The following ZDHHC3 variants were observed in gnomAD, a reference collection of about 807,000 sequenced individuals.
The protein encoded by ZDHHC3 is zDHHC palmitoyltransferase 3.
ZDHHC3 carries 9 observed loss-of-function variants against 30.6 expected under a neutral mutation model. The ratio of observed to expected loss-of-function variants is 0.29; its 90% confidence interval spans 0.18 to 0.51. The LOEUF (loss-of-function observed/expected upper bound fraction) is 0.51, where lower values mean the gene tolerates loss of function less well. ZDHHC3 is among the 20% of genes least tolerant of loss of function. ZDHHC3 has a pLI of 0.97. For synonymous variants in ZDHHC3, 136 were observed against 140.2 expected, an observed-to-expected ratio of 0.97 and a Z score of 0.21; for missense variants, 246 against 384.2, an observed-to-expected ratio of 0.64 and a Z score of 3.01.
At position 44,918,609 on chromosome 3, in the gene ZDHHC3, G is replaced by A; in HGVS notation, c.*8080C>T. On this transcript the variant is annotated 3_prime_UTR_variant, in exon 7 of 7. Coordinates refer to ENST00000424952, the MANE Select transcript of ZDHHC3 (RefSeq NM_001135179.2). ...GCAAACACAGCAGAAGGACGATGGG[G>A]TTAAGGAAGGAGTGCAGGACACAAA... The A allele has an allele frequency of 1.0e-6, 1 of 985,446 alleles. No homozygotes were observed. Among genetic ancestry groups the A allele is most frequent in the Non-Finnish European group, 1.2e-6 (1 of 829,938 alleles). The allele number at this position is 985,446 out of a possible 1,614,324, so 61.0% of individuals were successfully genotyped here.
At chr3:44,960,829 G>A (rs976267456) in intron 1 of ZDHHC3, among the ~76,000 whole-genome samples, 5 of 152,236 alleles carry the variant, frequency 3.3e-5, no homozygotes, top group African/African-American at 1.2e-4. Context: ...CAGGCTTTCG[G>A]TATTGTTATG....
chr3:44,933,660 C>A (rs1207817218), intron 4 of ZDHHC3, among the ~76,000 whole-genome samples: 1 of 152,224 alleles, frequency 6.6e-6, no homozygotes, highest in East Asian at 1.9e-4. Context: ...GCCCAGAATA[C>A]AGCCCTTGCT....
Position 44,925,773 on chromosome 3 carries a change from T to C in ZDHHC3, c.*916A>G, listed in dbSNP as rs1000543869. 1.0e-6 allele frequency: 1 copy of C among 985,656 alleles called. No individual in the cohort carries two copies. 61.1% of individuals were successfully genotyped at this position (985,656 alleles called of 1,614,324 possible). A position where few individuals can be genotyped will look rare whatever the true frequency, so the allele number is the denominator to read the frequency against. On this transcript the variant is annotated 3_prime_UTR_variant, in exon 7 of 7. Transcript: ENST00000424952. ...TTATAAAATGAGAAGGGGATGATGG[T>C]GGGGCTGTATGTGTTGGGCACTGGT...
intron 5 of ZDHHC3, 36 bp downstream of exon 5, chr3:44,933,082 C>T (rs1392104910): frequency 1.9e-6 from 3 of 1,613,378 alleles, no homozygotes; most frequent in Non-Finnish European, 2.5e-6. Context: ...ACACACCCAC[C>T]CTGGAGCAGG....
intron 2 of ZDHHC3, among the ~76,000 whole-genome samples, chr3:44,952,870 T>C (rs1703590256): frequency 6.6e-6 from 1 of 152,188 alleles, no homozygotes; most frequent in Non-Finnish European, 1.5e-5. Flanking sequence ...CTTGTATGTA[T>C]AGTATGGAAC....
intron 3 of ZDHHC3, among the ~76,000 whole-genome samples, chr3:44,941,932 C>G (rs1030931426): frequency 1.3e-5 from 2 of 152,214 alleles, no homozygotes; most frequent in African/African-American, 4.8e-5. Context: ...GCATAAATGG[C>G]TCCTCCCACA....
intron 6 of ZDHHC3, among the ~76,000 whole-genome samples, chr3:44,928,824 T>A (rs2125811875): frequency 6.6e-6 from 1 of 152,254 alleles, no homozygotes; most frequent in Non-Finnish European, 1.5e-5. Flanking sequence ...GGTAAAAGCC[T>A]GCTGCCCTGG....
Position 44,922,917 on chromosome 3 carries a change from C to T in ZDHHC3, c.*3772G>A, listed in dbSNP as rs1026892503. 1.7e-5 allele frequency: 17 copies of T among 985,048 alleles called. No homozygotes were observed. Among genetic ancestry groups the T allele is most frequent in the East Asian group, 1.1e-4 (1 of 8,810 alleles). The allele number at this position is 985,048 out of a possible 1,614,324, so 61.0% of individuals were successfully genotyped here. Reference sequence around the variant, plus strand: ...ATCTAAGGGCACCTTCTAGGTGGGGCGCCTTCCCCTCTACTGGCTGGCTCA... The same window carrying T: ...ATCTAAGGGCACCTTCTAGGTGGGGTGCCTTCCCCTCTACTGGCTGGCTCA... On this transcript the variant is annotated 3_prime_UTR_variant, in exon 7 of 7. Coordinates refer to ENST00000424952, the MANE Select transcript of ZDHHC3 (RefSeq NM_001135179.2).
Position 44,959,064 on chromosome 3 carries a change from G to C in ZDHHC3, c.306+67C>G. ...CCCAAGGTCCAGGGGGAACATGCAG[G>C]CTGTGGCCATGCCAGAGCCAGAGGA... On this transcript the variant is annotated intron_variant, in intron 2 of 6. Transcript: ENST00000424952. The surrounding 1 kb of genome is among the most constrained non-coding windows in gnomAD (Gnocchi z 4.3). The C allele has an allele frequency of 6.4e-7, 1 of 1,574,542 alleles. No homozygotes were observed.
intron 1 of ZDHHC3, among the ~76,000 whole-genome samples, chr3:44,974,568 A>G (rs1262871142): frequency 6.6e-6 from 1 of 152,108 alleles, no homozygotes; most frequent in Non-Finnish European, 1.5e-5. Context: ...ACCACACACA[A>G]ACACATCTAA....
At chr3:44,943,679 G>T (rs1181285286) in intron 3 of ZDHHC3, among the ~76,000 whole-genome samples, 1 of 152,194 alleles carries the variant, frequency 6.6e-6, no homozygotes, top group Admixed American at 6.5e-5. Flanking sequence ...GGGACCAAGT[G>T]ATATTTTTGT....
At position 44,921,276 on chromosome 3, in the gene ZDHHC3, G is replaced by T; in HGVS notation, c.*5413C>A. On this transcript the variant is annotated 3_prime_UTR_variant, in exon 7 of 7. Transcript: ENST00000424952. ...CAGACTCAGCTGAGCCCCACAGAACGAGAACAGGCTGTTCCCTGCTCCCTG... is the reference window on the plus strand; with the variant it reads ...CAGACTCAGCTGAGCCCCACAGAACTAGAACAGGCTGTTCCCTGCTCCCTG... 2.0e-6 allele frequency: 2 copies of T among 985,392 alleles called. No individual in the cohort carries two copies. Among genetic ancestry groups the T allele is most frequent in the South Asian group, 4.7e-5 (1 of 21,288 alleles). 61.0% of individuals were successfully genotyped at this position (985,392 alleles called of 1,614,324 possible).
rs1700193600 is a variant in ZDHHC3, at chr3:44,916,681, C to G, written c.*10008G>C. On this transcript the variant is annotated 3_prime_UTR_variant, in exon 7 of 7. Transcript: ENST00000424952. ...ATACCAAACGGGGATAAGAACCCTT[C>G]TGTTGGGCTTTGTGCAGAAGATGCT... is the stretch of plus-strand genomic sequence containing the variant. 6.6e-6 allele frequency: 1 copy of G among 152,212 alleles called. No homozygotes were observed. The allele number at this position is 152,212 out of a possible 1,614,324, so 9.4% of individuals were successfully genotyped here.
Position 44,922,903 on chromosome 3 carries a change from C to A in ZDHHC3, c.*3786G>T, listed in dbSNP as rs1395143001. On this transcript the variant is annotated 3_prime_UTR_variant, in exon 7 of 7. Coordinates refer to ENST00000424952, the MANE Select transcript of ZDHHC3 (RefSeq NM_001135179.2). ...CACATTTCTTTGATATCTAAGGGCACCTTCTAGGTGGGGCGCCTTCCCCTC... is the reference window on the plus strand; with the variant it reads ...CACATTTCTTTGATATCTAAGGGCAACTTCTAGGTGGGGCGCCTTCCCCTC... 4 of 985,110 alleles carry A rather than the reference C, an allele frequency of 4.1e-6. No homozygotes were observed. In the East Asian group the frequency reaches 3.4e-4, roughly 84 times the overall value. 61.0% of individuals were successfully genotyped at this position (985,110 alleles called of 1,614,324 possible). A position where few individuals can be genotyped will look rare whatever the true frequency, so the allele number is the denominator to read the frequency against.
chr3:44,927,389 G>A (rs1163214647), intron 6 of ZDHHC3, among the ~76,000 whole-genome samples: 2 of 152,244 alleles, frequency 1.3e-5, no homozygotes, highest in Non-Finnish European at 2.9e-5. Context: ...CTGGCGTTGT[G>A]TGTCTCACCA....
intron 1 of ZDHHC3, among the ~76,000 whole-genome samples, chr3:44,965,722 CCAAAATGCCACTGTTCT>C (rs1319234617): frequency 6.6e-6 from 1 of 152,144 alleles, no homozygotes; most frequent in African/African-American, 2.4e-5. Flanking sequence ...TATTAGAGTC[CCAAAATGCCACTGTTCT>C]CAGTCCAGCA....
intron 5 of ZDHHC3, among the ~76,000 whole-genome samples, chr3:44,931,264 G>A (rs112836425): frequency 6.6e-6 from 1 of 152,218 alleles, no homozygotes; most frequent in South Asian, 2.1e-4. Flanking sequence ...GCACATGGGG[G>A]TGCCTGCTGG....
Position 44,926,577 on chromosome 3 carries a change from A to G in ZDHHC3, c.*112T>C. 7.9e-7 allele frequency: 1 copy of G among 1,272,468 alleles called. No individual in the cohort carries two copies. The highest frequency in any genetic ancestry group is 1.0e-6 in the Non-Finnish European group (1 of 1,002,502). The allele number at this position is 1,272,468 out of a possible 1,614,324, so 78.8% of individuals were successfully genotyped here. ...GCCATTTTACTTGAGACATAAAAAA[A>G]GTTTTAAGAGTAGTTGTTTTGCTTT... On this transcript the variant is annotated 3_prime_UTR_variant, in exon 7 of 7. Coordinates refer to ENST00000424952, the MANE Select transcript of ZDHHC3 (RefSeq NM_001135179.2).
chr3:44,969,375 T>C (rs1405483151), intron 1 of ZDHHC3, among the ~76,000 whole-genome samples: 1 of 152,100 alleles, frequency 6.6e-6, no homozygotes, highest in African/African-American at 2.4e-5. Flanking sequence ...ATCTACTCTA[T>C]TTTGCACATA....
Sources: gnomAD v4.1 joint callset for allele counts (sites outside exome capture counted in the v4.1 genomes callset) on GRCh38, gnomAD v4.1.1 for gene constraint, Gnocchi (gnomAD v3.1) non-coding constraint, MANE v1.5 for transcripts, NCBI Gene and HGNC (gene_info 2026-07-23, HGNC 2026-07-21) for gene names.